Variants in MND1 observed in about 807,000 individuals in gnomAD.
MND1 encodes the protein meiotic nuclear division protein 1 homolog.
Under a neutral mutation model 35.1 loss-of-function variants are expected in MND1, and 28 were observed. The observed-to-expected ratio is 0.80, with a 90% CI of 0.59 to 1.09. MND1 has a LOEUF of 1.09. MND1 is among the 50% of genes least tolerant of loss of function. The pLI, the probability that MND1 is intolerant of heterozygous loss-of-function variation, is 0.00. For synonymous variants in MND1, 69 were observed against 70.5 expected (o/e 0.98, Z 0.11); for missense variants, 213 against 239.6 (o/e 0.89, Z 0.73).
At chr4:153,381,336 C>T (rs1728675759) in intron 4 of MND1, among the ~76,000 whole-genome samples, 1 of 151,850 alleles carries the variant, frequency 6.6e-6, no homozygotes, top group Non-Finnish European at 1.5e-5. Flanking sequence ...AAGGCTGACC[C>T]TACAGCTATA....
At chr4:153,400,977 T>C in intron 6 of MND1, among the ~76,000 whole-genome samples, 1 of 152,312 alleles carries the variant, frequency 6.6e-6, no homozygotes, top group East Asian at 1.9e-4. Context: ...AAAACTACAA[T>C]GTCTGACATG....
intron 4 of MND1, among the ~76,000 whole-genome samples, chr4:153,366,790 A>G (rs1353787654): frequency 6.6e-6 from 1 of 152,230 alleles, no homozygotes; most frequent in Non-Finnish European, 1.5e-5. Context: ...GCAGTGAACC[A>G]TGGTCCTAAA....
intron 1 of MND1, among the ~76,000 whole-genome samples, chr4:153,347,940 A>G (rs571551290): frequency 2.4e-4 from 36 of 152,292 alleles, no homozygotes; most frequent in African/African-American, 8.7e-4. Context: ...GGCCTTGTAT[A>G]TCATACTGGG....
intron 4 of MND1, among the ~76,000 whole-genome samples, chr4:153,370,597 G>A (rs1292007479): frequency 2.0e-5 from 3 of 151,946 alleles, no homozygotes; most frequent in Non-Finnish European, 4.4e-5. Flanking sequence ...CTAGCTCACT[G>A]CAACCTCCGC....
At chr4:153,413,026 C>G (rs1729732678) in intron 7 of MND1, among the ~76,000 whole-genome samples, 1 of 152,112 alleles carries the variant, frequency 6.6e-6, no homozygotes, top group Non-Finnish European at 1.5e-5. Context: ...AGGATGGTCT[C>G]GATCTCTTGA....
intron 3 of MND1, 138 bp from the exon 4 acceptor site, chr4:153,358,336 T>C: frequency 1.6e-6 from 1 of 633,166 alleles, no homozygotes; most frequent in Non-Finnish European, 2.5e-6. Flanking sequence ...TTGTTGTGCA[T>C]GTTGTTATTT....
intron 1 of MND1, among the ~76,000 whole-genome samples, chr4:153,347,470 TGGG>T (rs1773102520): frequency 6.6e-6 from 1 of 152,164 alleles, no homozygotes; most frequent in Admixed American, 6.5e-5. Flanking sequence ...ATTTTAGAGT[TGGG>T]GGCTTTAGAT....
At chr4:153,404,927 G>A (rs2149658106) in intron 6 of MND1, among the ~76,000 whole-genome samples, 1 of 151,958 alleles carries the variant, frequency 6.6e-6, no homozygotes, top group African/African-American at 2.4e-5. Context: ...TAGAGACGGG[G>A]TCCCACTATG....
chr4:153,371,917 T>C (rs1322443998), intron 4 of MND1, among the ~76,000 whole-genome samples: 1 of 152,068 alleles, frequency 6.6e-6, no homozygotes, highest in Non-Finnish European at 1.5e-5. Context: ...GTGTGACGTT[T>C]TTTCACTTGA....
At chr4:153,377,649 C>T (rs954962182) in intron 4 of MND1, among the ~76,000 whole-genome samples, 5 of 152,026 alleles carry the variant, frequency 3.3e-5, no homozygotes, top group Non-Finnish European at 5.9e-5. Context: ...GTTCTGCTTC[C>T]GAAAAGGCTT....
chr4:153,404,314 T>C (rs1178215037), intron 6 of MND1, among the ~76,000 whole-genome samples: 1 of 149,152 alleles, frequency 6.7e-6, no homozygotes, highest in African/African-American at 2.5e-5. Flanking sequence ...CCTAAGTAGC[T>C]GAGACTACAG....
chr4:153,375,412 A>G (rs1298826536), intron 4 of MND1, among the ~76,000 whole-genome samples: 1 of 152,164 alleles, frequency 6.6e-6, no homozygotes, highest in Non-Finnish European at 1.5e-5. Flanking sequence ...TGACAGTATT[A>G]GTAAATGATG....
chr4:153,375,615 T>C (rs1199433407), intron 4 of MND1, among the ~76,000 whole-genome samples: 1 of 152,080 alleles, frequency 6.6e-6, no homozygotes, highest in Admixed American at 6.6e-5. Context: ...GGGTGTTTTA[T>C]GTTTGGTTGA....
intron 4 of MND1, among the ~76,000 whole-genome samples, chr4:153,373,438 C>T (rs1349415806): frequency 1.3e-5 from 2 of 152,152 alleles, no homozygotes; most frequent in Non-Finnish European, 2.9e-5. Context: ...TATTTCTTTA[C>T]TTCTGGATTT....
intron 6 of MND1, among the ~76,000 whole-genome samples, chr4:153,402,106 C>CATCATG (rs1729360752): frequency 6.6e-6 from 1 of 152,136 alleles, no homozygotes; most frequent in East Asian, 1.9e-4. Context: ...AATGAGCCAA[C>CATCATG]ATCATGCACT....
intron 1 of MND1, among the ~76,000 whole-genome samples, chr4:153,348,388 A>G (rs1455450803): frequency 2.6e-5 from 4 of 152,156 alleles, no homozygotes; most frequent in Non-Finnish European, 4.4e-5. Context: ...TAGATGCATG[A>G]CACTGAAGCT....
intron 1 of MND1, among the ~76,000 whole-genome samples, chr4:153,345,012 C>T (rs957773109): frequency 6.6e-6 from 1 of 152,244 alleles, no homozygotes; most frequent in Non-Finnish European, 1.5e-5. Flanking sequence ...CGTCTGTCCC[C>T]AGGGCCCGTT....
intron 1 of MND1, among the ~76,000 whole-genome samples, chr4:153,348,653 T>C (rs866809598): frequency 6.6e-6 from 1 of 152,114 alleles, no homozygotes; most frequent in African/African-American, 2.4e-5. Flanking sequence ...TAGTGGGTTG[T>C]TGTTTTTTTT....
intron 6 of MND1, among the ~76,000 whole-genome samples, chr4:153,401,425 A>G (rs1729345599): frequency 6.6e-6 from 1 of 152,176 alleles, no homozygotes; most frequent in Non-Finnish European, 1.5e-5. Flanking sequence ...GATGAAAAGT[A>G]TAAACCCACA....
Sources: gnomAD v4.1 joint callset for allele counts (sites outside exome capture counted in the v4.1 genomes callset) on GRCh38, gnomAD v4.1.1 for gene constraint, MANE v1.5 for transcripts, NCBI Gene and HGNC (gene_info 2026-07-23, HGNC 2026-07-21) for gene names.